Variants in DNAJC8 observed in about 807,000 individuals in gnomAD.
DNAJC8 encodes dnaJ homolog subfamily C member 8.
DNAJC8 carries 24 observed loss-of-function variants against 43.2 expected under a neutral mutation model. The ratio of observed to expected loss-of-function variants is 0.56; its 90% confidence interval spans 0.40 to 0.78. DNAJC8 has a LOEUF of 0.78. Ranked by LOEUF, DNAJC8 falls within the 30% of genes least tolerant of loss-of-function variation. The probability of loss-of-function intolerance (pLI) is 0.00; values close to 1 mark genes in which losing one functional copy is unlikely to be tolerated. For missense variants in DNAJC8, 207 were observed against 299.4 expected, an observed-to-expected ratio of 0.69 and a Z score of 2.28; for synonymous variants, 83 against 98.0, an observed-to-expected ratio of 0.85 and a Z score of 0.90.
intron 1 of DNAJC8, 76 bp downstream of exon 1, chr1:28,232,845 C>T: frequency 2.6e-6 from 4 of 1,512,946 alleles, no homozygotes; most frequent in Non-Finnish European, 1.8e-6. Context: ...GGCCAGGCGG[C>T]CACTGCCTTT....
intron 2 of DNAJC8, among the ~76,000 whole-genome samples, chr1:28,224,447 T>C (rs1646919867): frequency 6.6e-6 from 1 of 152,050 alleles, no homozygotes; most frequent in Non-Finnish European, 1.5e-5. Context: ...TTTTTATTTT[T>C]AGTAGAGACA....
chr1:28,212,170 T>TAAAA (rs1314233756), intron 3 of DNAJC8, among the ~76,000 whole-genome samples: 770 of 23,694 alleles, frequency 0.032, 32 homozygotes, highest in Non-Finnish European at 0.052. Flanking sequence ...AATAAATAAA[T>TAAAA]ATATATATAT....
chr1:28,208,813 T>C (rs971874421), intron 5 of DNAJC8: 11 of 153,888 alleles, frequency 7.1e-5, no homozygotes, highest in Non-Finnish European at 1.2e-4. Context: ...TGTGGCATTA[T>C]GTCCAAGTAG....
chr1:28,212,164 AATAAATATATATATATATATATATAT>A (rs1460896689), intron 3 of DNAJC8, among the ~76,000 whole-genome samples: 10 of 30,564 alleles, frequency 3.3e-4, no homozygotes, highest in Non-Finnish European at 5.5e-4. Context: ...TCAATAAATA[AATAAATATATATATATATATATATAT>A]ATATATATAT....
At chr1:28,221,114 T>C (rs1037909227) in intron 2 of DNAJC8, among the ~76,000 whole-genome samples, 9 of 151,344 alleles carry the variant, frequency 5.9e-5, no homozygotes, top group African/African-American at 1.9e-4. Flanking sequence ...CTGAGGCGGG[T>C]GGATCACGAG....
intron 4 of DNAJC8, 36 bp downstream of exon 4, chr1:28,210,534 CA>C: frequency 6.4e-7 from 1 of 1,573,718 alleles, no homozygotes; most frequent in African/African-American, 1.3e-5. Flanking sequence ...CTGCCATTCA[CA>C]ATCTAATACT....
At position 28,232,925 on chromosome 1, in the gene DNAJC8, C is replaced by A; in HGVS notation, c.74G>T (p.Ser25Ile). The change falls in exon 1 of 9, where the codon AGT becomes ATT. Residue 25 changes from serine to isoleucine, a missense_variant. Coordinates refer to ENST00000263697, the MANE Select transcript of DNAJC8 (RefSeq NM_014280.3). ...TACTCCTCACTCTGTGTTCACCTCA[C>A]TGTAGAAGGTCATAAATGCTTCCTC... ...STEEAFMTFYSEVKQIEKRDS... is the reference protein window; with the variant it reads ...STEEAFMTFYIEVKQIEKRDS... 1 of 1,613,226 alleles carries A rather than the reference C, an allele frequency of 6.2e-7. No homozygotes were observed. The highest frequency in any genetic ancestry group is 8.5e-7 in the Non-Finnish European group (1 of 1,180,014).
intron 2 of DNAJC8, among the ~76,000 whole-genome samples, chr1:28,221,199 C>T (rs745956713): frequency 6.6e-6 from 1 of 151,762 alleles, no homozygotes; most frequent in African/African-American, 2.4e-5. Context: ...ATTAGCCGGG[C>T]GTGGTGGCGG....
Position 28,200,956 on chromosome 1 carries a change from T to C in DNAJC8, c.*292A>G. 2.3e-6 allele frequency: 1 copy of C among 428,406 alleles called. No homozygotes were observed. Among genetic ancestry groups the C allele is most frequent in the Non-Finnish European group, 4.3e-6 (1 of 230,376 alleles). 26.5% of individuals were successfully genotyped at this position (428,406 alleles called of 1,614,324 possible). On this transcript the variant is annotated 3_prime_UTR_variant, in exon 9 of 9. Transcript: ENST00000263697. The stretch of plus-strand genomic sequence containing the variant: ...TTCTAACCATCACAATTCAGTGAAG[T>C]ACAAAACACTGAGTTACAGGCTGTG...
intron 7 of DNAJC8, among the ~76,000 whole-genome samples, chr1:28,204,312 G>A (rs908459737): frequency 2.6e-5 from 4 of 152,174 alleles, no homozygotes; most frequent in East Asian, 1.9e-4. Flanking sequence ...CGGATGTAGC[G>A]GCTCATGCCT....
chr1:28,201,829 G>T (rs1557704178), intron 8 of DNAJC8, among the ~76,000 whole-genome samples: 2 of 150,246 alleles, frequency 1.3e-5, no homozygotes, highest in African/African-American at 4.9e-5. Flanking sequence ...AAAAAGAGTA[G>T]AATAGGCCAG....
intron 2 of DNAJC8, among the ~76,000 whole-genome samples, chr1:28,219,381 C>T (rs1646883542): frequency 6.6e-6 from 1 of 152,038 alleles, no homozygotes; most frequent in Non-Finnish European, 1.5e-5. Context: ...TGGTGGCGGG[C>T]GCCTGTGGTC....
Position 28,200,532 on chromosome 1 carries a change from G to A in DNAJC8, c.*716C>T, listed in dbSNP as rs1646726126. 4.4e-6 allele frequency: 2 copies of A among 456,406 alleles called. No individual in the cohort carries two copies. The highest frequency in any genetic ancestry group is 4.0e-5 in the African/African-American group (2 of 50,080). 28.3% of individuals were successfully genotyped at this position (456,406 alleles called of 1,614,324 possible). ...CCAGACAAGGGACCCACAAGGGAGA[G>A]TACAAGGAAAAGTACATCAATGGCT... On this transcript the variant is annotated 3_prime_UTR_variant, in exon 9 of 9. Transcript: ENST00000263697.
chr1:28,202,662 G>T (rs1280899177), intron 8 of DNAJC8, among the ~76,000 whole-genome samples: 1 of 136,118 alleles, frequency 7.3e-6, no homozygotes, highest in African/African-American at 2.8e-5. Context: ...CTCACTGCAA[G>T]CTCCACCTCC....
chr1:28,225,550 C>G (rs1401502970), intron 2 of DNAJC8, among the ~76,000 whole-genome samples: 4 of 150,706 alleles, frequency 2.7e-5, no homozygotes, highest in Non-Finnish European at 5.9e-5. Context: ...TACCAGGGGT[C>G]AGGGAGAAAA....
At chr1:28,215,504 T>C (rs114429596) in intron 2 of DNAJC8, among the ~76,000 whole-genome samples, 3,411 of 151,750 alleles carry the variant, frequency 0.022, 141 homozygotes, top group African/African-American at 0.077. Context: ...TCCAACCCCA[T>C]AGAGCAGGGG....
At chr1:28,202,900 T>C (rs1347333577) in intron 8 of DNAJC8, among the ~76,000 whole-genome samples, 6 of 152,178 alleles carry the variant, frequency 3.9e-5, no homozygotes, top group Non-Finnish European at 7.4e-5. Context: ...GTATTTCTAA[T>C]TGTCACCAAA....
At position 28,232,992 on chromosome 1, in the gene DNAJC8, C is replaced by G; in HGVS notation, c.7G>C (p.Ala3Pro). 2 of 1,612,222 alleles carry G rather than the reference C, an allele frequency of 1.2e-6. No individual in the cohort carries two copies. Among genetic ancestry groups the G allele is most frequent in the South Asian group, 1.1e-5 (1 of 91,084 alleles). The change falls in exon 1 of 9, where the codon GCT (alanine) becomes CCT (proline). Residue 3 changes from alanine to proline, a missense_variant. Transcript: ENST00000263697. MA[A>P]SGESGTSGGG... ...CCTGAAGTCCCGCTCTCTCCTGAAG[C>G]CGCCATTTCCCCGGCCCAGCCACCA...
At chr1:28,207,678 A>AGG (rs1281661379) in intron 6 of DNAJC8, among the ~76,000 whole-genome samples, 2 of 150,650 alleles carry the variant, frequency 1.3e-5, no homozygotes, top group East Asian at 4.2e-4. Context: ...TCCTGATCTC[A>AGG]TGATCCACCC....
Sources: gnomAD v4.1 joint callset for allele counts (sites outside exome capture counted in the v4.1 genomes callset) on GRCh38, gnomAD v4.1.1 for gene constraint, MANE v1.5 for transcripts, NCBI Gene and HGNC (gene_info 2026-07-23, HGNC 2026-07-21) for gene names.